Variants in RPN2 observed in about 807,000 individuals in gnomAD.
RPN2 encodes dolichyl-diphosphooligosaccharide--protein glycosyltransferase subunit 2.
RPN2 carries 29 observed loss-of-function variants against 71.4 expected under a neutral mutation model. The observed-to-expected ratio is 0.41, with a 90% CI of 0.30 to 0.55. The LOEUF is 0.55. RPN2 is among the 20% of genes least tolerant of loss of function. The pLI is 0.35. For synonymous variants in RPN2, 308 were observed against 305.0 expected, an observed-to-expected ratio of 1.01 and a Z score of -0.10; for missense variants, 726 against 774.1, an observed-to-expected ratio of 0.94 and a Z score of 0.74.
intron 1 of RPN2, 26 bp downstream of exon 1, chr20:37,179,395 G>A (rs757358667): frequency 1.2e-5 from 1 of 82,720 alleles, no homozygotes; most frequent in Non-Finnish European, 1.5e-5. Flanking sequence ...TGGCTTTGGG[G>A]AGAGGGCTGT....
intron 12 of RPN2, among the ~76,000 whole-genome samples, chr20:37,229,561 ACTT>A (rs557306854): frequency 2.6e-5 from 4 of 152,280 alleles, no homozygotes; most frequent in South Asian, 2.1e-4. Context: ...GGTATTCAAG[ACTT>A]CTTTTCTTCT....
chr20:37,210,449 T>C (rs2067631221), intron 8 of RPN2, among the ~76,000 whole-genome samples: 1 of 152,004 alleles, frequency 6.6e-6, no homozygotes, highest in African/African-American at 2.4e-5. Flanking sequence ...ATGTTTATTA[T>C]AGGAAAAATA....
At chr20:37,191,230 A>C (rs1178276300) in intron 2 of RPN2, among the ~76,000 whole-genome samples, 1 of 152,194 alleles carries the variant, frequency 6.6e-6, no homozygotes, top group African/African-American at 2.4e-5. Context: ...TAATCTCAGC[A>C]CTTTGGGAGG....
At position 37,232,796 on chromosome 20, in the gene RPN2, G is replaced by C. The variant is rs1194891091; in HGVS notation, c.1677+405G>C. 6.6e-5 allele frequency among the ~76,000 whole-genome samples: 10 copies of C among 152,190 alleles called. No individual in the cohort carries two copies. In the East Asian group the frequency reaches 1.7e-3, roughly 26 times the overall value. On this transcript the variant is annotated intron_variant, in intron 14 of 16. Coordinates refer to ENST00000237530, the MANE Select transcript of RPN2 (RefSeq NM_002951.5). ...GAAACAACCTAAAGTTCATAAGATG[G>C]AATAATATGCAGCTTTTCAAAGAAT...
chr20:37,197,080 G>A (rs569554588), intron 2 of RPN2, among the ~76,000 whole-genome samples: 22 of 152,294 alleles, frequency 1.4e-4, no homozygotes, highest in Middle Eastern at 3.4e-3. Flanking sequence ...GTGGGTAGCA[G>A]GGTCAAACAC....
At position 37,224,746 on chromosome 20, in the gene RPN2, G is replaced by A. The variant is rs866730972; in HGVS notation, c.1184+777G>A. 4.6e-5 allele frequency among the ~76,000 whole-genome samples: 7 copies of A among 152,230 alleles called. 1 individual carries two copies. In the Middle Eastern group the frequency reaches 0.017, roughly 370 times the overall value. ...CAGACCCCAACTTTACTCAACTAGG[G>A]TAGCTATAGAGGCCAGAAGACAGTA... On this transcript the variant is annotated intron_variant, in intron 10 of 16. Coordinates refer to ENST00000237530, the MANE Select transcript of RPN2 (RefSeq NM_002951.5).
At chr20:37,205,532 C>T (rs764342485) in intron 6 of RPN2, among the ~76,000 whole-genome samples, 10 of 152,110 alleles carry the variant, frequency 6.6e-5, no homozygotes, top group South Asian at 4.1e-4. Flanking sequence ...ACTTAAAATA[C>T]AAGCTGCTTT....
At chr20:37,209,989 C>A (rs1408519577) in intron 7 of RPN2, 58 bp from the exon 8 acceptor site, 10 of 1,603,772 alleles carry the variant, frequency 6.2e-6, no homozygotes, top group East Asian at 2.2e-5. Context: ...ACCCCAGAAA[C>A]AAAATTCTCT....
intron 1 of RPN2, 74 bp downstream of exon 1, chr20:37,179,443 G>C: frequency 3.4e-6 from 5 of 1,449,728 alleles, no homozygotes; most frequent in Non-Finnish European, 3.7e-6. Flanking sequence ...TCGAGAGCCG[G>C]CCAGGCGGGA....
At chr20:37,192,100 T>C (rs941358419) in intron 2 of RPN2, among the ~76,000 whole-genome samples, 1 of 152,178 alleles carries the variant, frequency 6.6e-6, no homozygotes, top group Non-Finnish European at 1.5e-5. Flanking sequence ...AGACCCTGTC[T>C]CAAAGAAACC....
intron 1 of RPN2, among the ~76,000 whole-genome samples, chr20:37,183,424 G>A (rs1422224564): frequency 6.6e-6 from 1 of 152,146 alleles, no homozygotes; most frequent in East Asian, 1.9e-4. Context: ...CACCATGTTG[G>A]CCAGGCTGGC....
At chr20:37,198,063 G>A (rs570559025) in intron 2 of RPN2, among the ~76,000 whole-genome samples, 1 of 152,320 alleles carries the variant, frequency 6.6e-6, no homozygotes, top group South Asian at 2.1e-4. Flanking sequence ...TGGGGATAGT[G>A]ATAATCTCTA....
chr20:37,213,630 G>T (rs2067731712), intron 8 of RPN2, 130 bp from the exon 9 acceptor site: 1 of 735,342 alleles, frequency 1.4e-6, no homozygotes. Flanking sequence ...CCCAAGTGGG[G>T]TGGGAAGTCA....
intron 9 of RPN2, among the ~76,000 whole-genome samples, chr20:37,218,811 T>A (rs559450183): frequency 6.6e-6 from 1 of 152,322 alleles, no homozygotes; most frequent in South Asian, 2.1e-4. Context: ...TCACTTAACA[T>A]AATACTTCTA....
At chr20:37,181,426 CTTTTCTTTTTTTTTTTT>C in intron 1 of RPN2, among the ~76,000 whole-genome samples, 1 of 140,708 alleles carries the variant, frequency 7.1e-6, no homozygotes, top group African/African-American at 2.6e-5. Context: ...TTTGGTTTTT[CTTTTCTTTTTTTTTTTT>C]TTTTTTGAGA....
At position 37,207,296 on chromosome 20, in the gene RPN2, C is replaced by G; in HGVS notation, c.714C>G (p.Asn238Lys). 1 of 1,613,912 alleles carries G rather than the reference C, an allele frequency of 6.2e-7. No individual in the cohort carries two copies. Among genetic ancestry groups the G allele is most frequent in the South Asian group, 1.1e-5 (1 of 91,076 alleles). The change falls in exon 7 of 17, where the codon AAC becomes AAG. Residue 238 changes from asparagine (N) to lysine (K), a missense_variant. Coordinates refer to ENST00000237530, the MANE Select transcript of RPN2 (RefSeq NM_002951.5). ...AGGATCAGGTCATCCAGCTGATGAA[C>G]GCGATCTTCAGCAAGAAGAACTTTG... is the stretch of plus-strand genomic sequence containing the variant. ...IKEDQVIQLM[N>K]AIFSKKNFES...
chr20:37,233,613 C>T (rs970275174), intron 14 of RPN2, among the ~76,000 whole-genome samples: 1 of 152,172 alleles, frequency 6.6e-6, no homozygotes, highest in Non-Finnish European at 1.5e-5. Flanking sequence ...ATGGAACCCA[C>T]GGCAAGAGCG....
intron 7 of RPN2, among the ~76,000 whole-genome samples, chr20:37,209,092 A>G (rs1168240842): frequency 6.6e-6 from 1 of 152,232 alleles, no homozygotes; most frequent in Non-Finnish European, 1.5e-5. Flanking sequence ...CAACTGCTTA[A>G]CTGGCCATGT....
chr20:37,231,487 G>A (rs2068244303), intron 13 of RPN2, among the ~76,000 whole-genome samples: 1 of 152,100 alleles, frequency 6.6e-6, no homozygotes, highest in Non-Finnish European at 1.5e-5. Flanking sequence ...GCTTTGCAGG[G>A]CCAAGGAGGG....
Sources: allele counts gnomAD v4.1 joint callset (sites outside exome capture counted in the v4.1 genomes callset), GRCh38; gene constraint gnomAD v4.1.1; transcripts MANE v1.5; gene names NCBI Gene and HGNC (gene_info 2026-07-23, HGNC 2026-07-21).